Variants in CAPN13 observed in about 807,000 individuals in gnomAD.
The protein encoded by CAPN13 is calpain-13.
CAPN13 carries 90 observed loss-of-function variants against 98.4 expected under a neutral mutation model. That is an observed-to-expected ratio of 0.92 (90% confidence interval 0.77 to 1.09). The LOEUF (loss-of-function observed/expected upper bound fraction) is 1.09, where lower values mean the gene tolerates loss of function less well. Among genes scored for constraint, CAPN13 ranks in the 50% least tolerant of loss-of-function variants. CAPN13 has a pLI of 0.00. For synonymous variants in CAPN13, 330 were observed against 305.5 expected (o/e 1.08, Z -0.84); for missense variants, 887 against 841.3 (o/e 1.05, Z -0.67).
chr2:30,734,337 G>A (rs1490822570), intron 19 of CAPN13, 112 bp downstream of exon 19: 6 of 786,494 alleles, frequency 7.6e-6, no homozygotes, highest in Admixed American at 2.2e-5. Context: ...GAGCTGCAGC[G>A]CTCCTCTCTC....
rs757975134 is a variant in CAPN13 at position 30,732,504 on chromosome 2, C to A, written c.1861G>T (p.Asp621Tyr). Residue 621 changes from aspartate to tyrosine, a missense_variant, in exon 20 of 23, where the codon GAC (aspartate) becomes TAC (tyrosine). Physicochemically the swap from Asp to Tyr is radical, Grantham distance 160. Coordinates refer to ENST00000295055, the MANE Select transcript of CAPN13 (RefSeq NM_144575.3). ...GGGAAGCTGACCCTGCCGACGCTGT[C>A]GCTGTACCTGAGGGTCACCAGATGC... ...LLHLVTLRYS[D>Y]SVGRVSFPSL... 1 of 1,612,526 alleles carries A rather than the reference C, an allele frequency of 6.2e-7. No homozygotes were observed. The highest frequency in any genetic ancestry group is 1.7e-5 in the Admixed American group (1 of 59,856).
At position 30,766,659 on chromosome 2, in the gene CAPN13, A is replaced by C. The variant is rs556631265; in HGVS notation, c.525-2353T>G. ...GTCCCCATCCCTCTGCTTCAGCCTC[A>C]TTTGGGGAAAATGTCTTTCTGCCCG... is the stretch of plus-strand genomic sequence containing the variant. On this transcript the variant is annotated intron_variant, in intron 5 of 22. Coordinates refer to ENST00000295055, the MANE Select transcript of CAPN13 (RefSeq NM_144575.3). 2.2e-4 allele frequency among the ~76,000 whole-genome samples: 33 copies of C among 152,258 alleles called. No homozygotes were observed. In the East Asian group the frequency reaches 4.4e-3, roughly 21 times the overall value.
chr2:30,798,586 A>T lies in CAPN13; in HGVS notation c.-33+8716T>A, dbSNP rs530076708. 3.9e-5 allele frequency among the ~76,000 whole-genome samples: 6 copies of T among 152,320 alleles called. No homozygotes were observed. In the South Asian group the frequency reaches 1.0e-3, roughly 26 times the overall value. ...TAATTTTGTTTGCATTTTGTTTTCA[A>T]TCAGCTAAGAAACAGGAAGCTGCAT... On this transcript the variant is annotated intron_variant, in intron 1 of 22. Transcript: ENST00000295055.
At chr2:30,799,812 T>A (rs891305582) in intron 1 of CAPN13, among the ~76,000 whole-genome samples, 17 of 152,034 alleles carry the variant, frequency 1.1e-4, no homozygotes, top group African/African-American at 4.1e-4. Context: ...AGTGGTTCAC[T>A]CCTGTAATCC....
intron 10 of CAPN13, among the ~76,000 whole-genome samples, chr2:30,751,567 T>C (rs948422144): frequency 1.3e-5 from 2 of 152,224 alleles, no homozygotes; most frequent in Non-Finnish European, 2.9e-5. Flanking sequence ...AGCTTATGCA[T>C]TGGTGGTAAC....
intron 4 of CAPN13, among the ~76,000 whole-genome samples, chr2:30,774,518 A>C (rs546559185): frequency 1.3e-5 from 2 of 152,312 alleles, no homozygotes; most frequent in South Asian, 4.1e-4. Flanking sequence ...GAATTGTCAG[A>C]GATTCATATA....
intron 16 of CAPN13, 31 bp downstream of exon 16, chr2:30,738,369 T>C (rs1558613414): frequency 3.7e-6 from 6 of 1,611,542 alleles, no homozygotes; most frequent in Non-Finnish European, 5.1e-6. Flanking sequence ...GGGAGGAGGA[T>C]GGGGCCAGCT....
intron 17 of CAPN13, 96 bp downstream of exon 17, chr2:30,738,139 G>A: frequency 1.6e-6 from 2 of 1,284,850 alleles, no homozygotes; most frequent in Non-Finnish European, 2.2e-6. Flanking sequence ...AATACTGAGT[G>A]GGAAAAGGGT....
Position 30,787,173 on chromosome 2 carries a change from C to G in CAPN13, c.153G>C (p.Leu51=). 1 of 1,587,666 alleles carries G rather than the reference C, an allele frequency of 6.3e-7. No individual in the cohort carries two copies. Among genetic ancestry groups the G allele is most frequent in the Non-Finnish European group, 8.6e-7 (1 of 1,166,614 alleles). The part of the protein sequence containing the change: ...PAADSSIGQK[L]LQEKRLSNVI... ...CATTGGAGAGGCGTTTTTCCTGGAG[C>G]AGCTTCTGGCCTATGGAAGAATCTG... Residue 51 remains leucine (L), a synonymous_variant, in exon 2 of 23, where the codon CTG becomes CTC. Coordinates refer to ENST00000295055, the MANE Select transcript of CAPN13 (RefSeq NM_144575.3).
chr2:30,744,830 G>C (rs1671828404), intron 12 of CAPN13, among the ~76,000 whole-genome samples: 2 of 152,172 alleles, frequency 1.3e-5, no homozygotes, highest in Non-Finnish European at 2.9e-5. Flanking sequence ...CTAGGGATGG[G>C]TTCTGTGCTT....
At chr2:30,733,315 C>T (rs1006956941) in intron 19 of CAPN13, among the ~76,000 whole-genome samples, 1 of 108,244 alleles carries the variant, frequency 9.2e-6, no homozygotes, top group African/African-American at 3.7e-5. Flanking sequence ...ACTCGAATGC[C>T]TTTAGATAAG....
intron 1 of CAPN13, among the ~76,000 whole-genome samples, chr2:30,800,600 C>T (rs1675213678): frequency 1.3e-5 from 2 of 152,244 alleles, no homozygotes; most frequent in South Asian, 2.1e-4. Flanking sequence ...GTTGGTCTCG[C>T]ACTTCTAAGT....
intron 11 of CAPN13, among the ~76,000 whole-genome samples, chr2:30,748,579 A>C (rs1245074607): frequency 6.6e-6 from 1 of 151,870 alleles, no homozygotes; most frequent in African/African-American, 2.4e-5. Context: ...AGATGAAGGG[A>C]GCATCTAATT....
chr2:30,728,024 C>T (rs1428647299), intron 22 of CAPN13, among the ~76,000 whole-genome samples: 1 of 151,728 alleles, frequency 6.6e-6, no homozygotes, highest in Non-Finnish European at 1.5e-5. Flanking sequence ...ATCCTGACAG[C>T]ATTACGCTAA....
intron 22 of CAPN13, among the ~76,000 whole-genome samples, chr2:30,730,499 TC>T (rs1217514718): frequency 7.2e-5 from 11 of 152,236 alleles, no homozygotes; most frequent in African/African-American, 2.7e-4. Context: ...TTCATGCCTT[TC>T]AAGCCATGCC....
At chr2:30,745,307 T>G (rs1671849813) in intron 12 of CAPN13, 2 of 480,644 alleles carry the variant, frequency 4.2e-6, no homozygotes, top group Non-Finnish European at 8.6e-6. Flanking sequence ...GGCTCAAGGA[T>G]GTACCTTGAA....
At chr2:30,790,060 C>T (rs574278174) in intron 1 of CAPN13, among the ~76,000 whole-genome samples, 1 of 152,312 alleles carries the variant, frequency 6.6e-6, no homozygotes, top group African/African-American at 2.4e-5. Flanking sequence ...GAGAAGCAGG[C>T]AGGGGAAGCT....
chr2:30,768,076 T>C (rs1313661422), intron 5 of CAPN13, among the ~76,000 whole-genome samples: 4 of 152,222 alleles, frequency 2.6e-5, no homozygotes, highest in Non-Finnish European at 5.9e-5. Context: ...CTGCTAGCAA[T>C]GATCCCCAGC....
intron 7 of CAPN13, among the ~76,000 whole-genome samples, chr2:30,758,350 A>G (rs1672568579): frequency 6.6e-6 from 1 of 152,240 alleles, no homozygotes; most frequent in Non-Finnish European, 1.5e-5. Context: ...ATGGCCCCTC[A>G]TTCCGCTCAG....
Sources: gnomAD v4.1 joint callset for allele counts (sites outside exome capture counted in the v4.1 genomes callset) on GRCh38, gnomAD v4.1.1 for gene constraint, MANE v1.5 for transcripts, NCBI Gene and HGNC (gene_info 2026-07-23, HGNC 2026-07-21) for gene names.